MX2: variants seen among roughly 807,000 people sequenced by gnomAD.
The protein encoded by MX2 is MX dynamin like GTPase 2, also known as interferon-induced GTP-binding protein Mx2.
Under a neutral mutation model 74.0 loss-of-function variants are expected in MX2, and 51 were observed. The observed-to-expected ratio is 0.69, with a 90% CI of 0.55 to 0.87. The LOEUF (loss-of-function observed/expected upper bound fraction) is 0.87, where lower values mean the gene tolerates loss of function less well. MX2 is among the 40% of genes least tolerant of loss of function. The pLI, the probability that MX2 is intolerant of heterozygous loss-of-function variation, is 0.00. For synonymous variants in MX2, 369 were observed against 339.3 expected (o/e 1.09, Z -0.96); for missense variants, 832 against 908.7 (o/e 0.92, Z 1.09).
chr21:41,390,758 C>T (rs2089648399), intron 6 of MX2, 55 bp downstream of exon 6: 1 of 1,593,134 alleles, frequency 6.3e-7, no homozygotes, highest in Non-Finnish European at 8.6e-7. Flanking sequence ...GTAATCCCAG[C>T]ACTTTGGGAG....
Position 41,409,295 on chromosome 21 carries a change from GATC to G in MX2, c.*1068_*1070del. The G allele has an allele frequency of 1.3e-5, 2 of 152,152 alleles. No homozygotes were observed. Among genetic ancestry groups the G allele is most frequent in the South Asian group, 4.1e-4 (2 of 4,820 alleles). 9.4% of individuals were successfully genotyped at this position (152,152 alleles called of 1,614,324 possible). ...GAGAGAGAGAGAACTTCACACCAGT[GATC>G]ATCATTATGGGTAATTTTCTTTTCT... On this transcript the variant is annotated 3_prime_UTR_variant, in exon 14 of 14. Transcript: ENST00000330714.
At chr21:41,407,848 G>A in intron 13 of MX2, 143 bp from the exon 14 acceptor site, 2 of 1,023,734 alleles carry the variant, frequency 2.0e-6, no homozygotes, top group East Asian at 2.4e-5. Context: ...GCTTGATGCT[G>A]ACCACCGGAG....
Position 41,407,008 on chromosome 21 carries a change from CGGCGG to C in MX2, c.1905+14_1905+18del, listed in dbSNP as rs1568952606. On this transcript the variant is annotated intron_variant, in intron 13 of 13. Transcript: ENST00000330714. Reference sequence around the variant, plus strand: ...GAATGCCTACTTCTTGGTGAGTTCCCGGCGGGGCAGGAGCCGTGCTCTCTGAAATT... The same window carrying C: ...GAATGCCTACTTCTTGGTGAGTTCCCGGCAGGAGCCGTGCTCTCTGAAATT... 1 of 1,608,478 alleles carries C rather than the reference CGGCGG, an allele frequency of 6.2e-7. No individual in the cohort carries two copies. The highest frequency in any genetic ancestry group is 8.5e-7 in the Non-Finnish European group (1 of 1,175,516).
At chr21:41,401,699 C>A in intron 10 of MX2, 5 of 160,818 alleles carry the variant, frequency 3.1e-5, no homozygotes, top group East Asian at 2.1e-4. Context: ...TTTTTTTTTT[C>A]CTACCAGTTA....
rs1347864734 is a variant in MX2 at position 41,368,697 on chromosome 21, TGAA to T, written c.-72+6646_-72+6648del. 6.6e-6 allele frequency among the ~76,000 whole-genome samples: 1 copy of T among 152,156 alleles called. No homozygotes were observed. Among genetic ancestry groups the T allele is most frequent in the East Asian group, 1.9e-4 (1 of 5,196 alleles). Reference sequence around the variant, plus strand: ...AATATGTTTTAAAAGGAACATGAAATGAAGAATATTGGGCTTCACAAAAGGAAC... The same window carrying T: ...AATATGTTTTAAAAGGAACATGAAATGAATATTGGGCTTCACAAAAGGAAC... On this transcript the variant is annotated intron_variant, in intron 1 of 13. Transcript: ENST00000330714. The surrounding 1 kb of genome is among the most constrained non-coding windows in gnomAD (Gnocchi z 4.6).
Position 41,395,732 on chromosome 21 carries a change from G to T in MX2, c.1017G>T (p.Leu339Phe). 6.2e-7 allele frequency: 1 copy of T among 1,614,178 alleles called. No homozygotes were observed. Among genetic ancestry groups the T allele is most frequent in the Non-Finnish European group, 8.5e-7 (1 of 1,180,042 alleles). ...AGGAGATCACAAACAGGCTGAGCTT[G>T]GCAGAGGCAACCAAGAAAGAAATTA... is the stretch of plus-strand genomic sequence containing the variant. ...GQQEITNRLS[L>F]AEATKKEITF... Residue 339 changes from leucine (L) to phenylalanine (F), a missense_variant, in exon 7 of 14, where the codon TTG becomes TTT. Transcript: ENST00000330714.
At chr21:41,370,286 G>A (rs528550035) in intron 1 of MX2, 1 of 152,280 alleles carries the variant, frequency 6.6e-6, no homozygotes, top group Non-Finnish European at 1.5e-5. Context: ...AAGCTGTGAC[G>A]AGCAGAGGAA....
At chr21:41,397,805 C>T in intron 8 of MX2, 114 bp downstream of exon 8, 1 of 808,956 alleles carries the variant, frequency 1.2e-6, no homozygotes. Context: ...AAACAAGTAC[C>T]CTCTGAACAC....
At chr21:41,376,683 C>T (rs1356562837) in intron 1 of MX2, among the ~76,000 whole-genome samples, 153 bp from the exon 2 acceptor site, 1 of 152,200 alleles carries the variant, frequency 6.6e-6, no homozygotes, top group Non-Finnish European at 1.5e-5. Flanking sequence ...AGAGCCCCTC[C>T]TGCAGACAGG....
intron 1 of MX2, among the ~76,000 whole-genome samples, chr21:41,371,831 A>G (rs1231641600): frequency 6.6e-6 from 1 of 152,198 alleles, no homozygotes. Context: ...TCACCAGTGC[A>G]TGATGTGACT....
chr21:41,380,525 G>T lies in MX2; in HGVS notation c.577+374G>T, dbSNP rs948356589. On this transcript the variant is annotated intron_variant, in intron 4 of 13. Coordinates refer to ENST00000330714, the MANE Select transcript of MX2 (RefSeq NM_002463.2). The surrounding 1 kb of genome is among the most constrained non-coding windows in gnomAD (Gnocchi z 4.3). ...CTGCCCAATCCCTACTCGATCTTTG[G>T]ATCTCAGGTCACCTGCGCCCCCTTT... 7.2e-5 allele frequency among the ~76,000 whole-genome samples: 11 copies of T among 152,060 alleles called. No homozygotes were observed. Among genetic ancestry groups the T allele is most frequent in the African/African-American group, 2.4e-4 (10 of 41,376 alleles).
At chr21:41,406,653 C>T in intron 12 of MX2, 91 bp from the exon 13 acceptor site, 1 of 1,309,582 alleles carries the variant, frequency 7.6e-7, no homozygotes, top group Non-Finnish European at 1.0e-6. Flanking sequence ...CGTTTTATTT[C>T]TGAGTTCAAC....
intron 10 of MX2, chr21:41,401,684 G>GC (rs2089815945): frequency 8.8e-6 from 1 of 113,886 alleles, no homozygotes; most frequent in Non-Finnish European, 1.5e-5. Context: ...TTTCTAATCA[G>GC]GTTTTTTTTT....
intron 5 of MX2, among the ~76,000 whole-genome samples, chr21:41,383,881 G>A (rs1003688548): frequency 6.6e-6 from 1 of 152,142 alleles, no homozygotes; most frequent in Admixed American, 6.6e-5. Flanking sequence ...CAAGTTATGG[G>A]ATTTCCTAGA....
At position 41,408,291 on chromosome 21, in the gene MX2, C is replaced by G; in HGVS notation, c.*58C>G. 1 of 1,591,502 alleles carries G rather than the reference C, an allele frequency of 6.3e-7. No individual in the cohort carries two copies. Among genetic ancestry groups the G allele is most frequent in the Non-Finnish European group, 8.6e-7 (1 of 1,168,708 alleles). On this transcript the variant is annotated 3_prime_UTR_variant, in exon 14 of 14. Transcript: ENST00000330714. Reference sequence around the variant, plus strand: ...CGTACTCATTCATTCTAAGGGGAGTCGGTGCAGGATGCCGCTTCTGCTTTG... The same window carrying G: ...CGTACTCATTCATTCTAAGGGGAGTGGGTGCAGGATGCCGCTTCTGCTTTG...
intron 7 of MX2, among the ~76,000 whole-genome samples, chr21:41,397,087 T>C (rs2089746102): frequency 6.6e-6 from 1 of 152,192 alleles, no homozygotes. Context: ...GGAATAATCC[T>C]GTGTGCTTCA....
chr21:41,376,305 G>A (rs2065325), intron 1 of MX2, among the ~76,000 whole-genome samples: 64,918 of 151,940 alleles, frequency 0.43, 16,631 homozygotes, highest in East Asian at 0.79. Flanking sequence ...ATGCTGAGGC[G>A]GACGGATTGC....
chr21:41,372,751 C>T (rs1298123397), intron 1 of MX2, among the ~76,000 whole-genome samples: 2 of 152,178 alleles, frequency 1.3e-5, no homozygotes, highest in Non-Finnish European at 2.9e-5. Context: ...AAATGCCCAT[C>T]TTATCTATTC....
chr21:41,380,269 C>A lies in MX2; in HGVS notation c.577+118C>A. 7.4e-7 allele frequency: 1 copy of A among 1,357,092 alleles called. No individual in the cohort carries two copies. Among genetic ancestry groups the A allele is most frequent in the Non-Finnish European group, 1.0e-6 (1 of 987,238 alleles). 84.1% of individuals were successfully genotyped at this position (1,357,092 alleles called of 1,614,324 possible). A position where few individuals can be genotyped will look rare whatever the true frequency, so the allele number is the denominator to read the frequency against. ...ACCACTCAGCTCCTAGCCCCATGTG[C>A]TCCCACATGGGGCTGAACCCATTGC... On this transcript the variant is annotated intron_variant, in intron 4 of 13. Coordinates refer to ENST00000330714, the MANE Select transcript of MX2 (RefSeq NM_002463.2). This position sits in a 1 kb window ranked among gnomAD's most constrained non-coding sequence, Gnocchi z 4.3.
Sources: allele counts gnomAD v4.1 joint callset (sites outside exome capture counted in the v4.1 genomes callset), GRCh38; gene constraint gnomAD v4.1.1; non-coding constraint Gnocchi (gnomAD v3.1); transcripts MANE v1.5; gene names NCBI Gene and HGNC (gene_info 2026-07-23, HGNC 2026-07-21).